Variants in ACVR1 observed in about 807,000 individuals in gnomAD.
ACVR1 encodes the protein activin receptor type-1.
A neutral mutation model predicts 57.1 loss-of-function variants in ACVR1; 38 were observed. That is an observed-to-expected ratio of 0.67 (90% CI 0.51 to 0.87). The LOEUF (loss-of-function observed/expected upper bound fraction) is 0.87. ACVR1 is among the 40% of genes least tolerant of loss of function. ACVR1 has a pLI of 0.00. For missense variants in ACVR1, 463 were observed against 638.2 expected (o/e 0.73, Z 2.96); for synonymous variants, 212 against 228.1 (o/e 0.93, Z 0.63).
At chr2:157,739,470 TC>T (rs1684666468) in intron 9 of ACVR1, among the ~76,000 whole-genome samples, 1 of 152,202 alleles carries the variant, frequency 6.6e-6, no homozygotes. Flanking sequence ...AATGGATTCT[TC>T]CCCTTCATAG....
At chr2:157,753,900 A>C (rs1194974762) in intron 9 of ACVR1, among the ~76,000 whole-genome samples, 1 of 152,238 alleles carries the variant, frequency 6.6e-6, no homozygotes, top group Non-Finnish European at 1.5e-5. Context: ...CTGAAATTAC[A>C]TCAAGTATTC....
At chr2:157,825,266 C>T (rs1193098094) in intron 1 of ACVR1, among the ~76,000 whole-genome samples, 2 of 152,290 alleles carry the variant, frequency 1.3e-5, no homozygotes, top group Admixed American at 6.5e-5. Flanking sequence ...GGATCCATCA[C>T]ACTTTCCCCC....
chr2:157,746,085 G>A (rs1366853212), intron 9 of ACVR1, among the ~76,000 whole-genome samples: 2 of 152,120 alleles, frequency 1.3e-5, no homozygotes, highest in Non-Finnish European at 2.9e-5. Flanking sequence ...TGAAACAAGA[G>A]TATGTCCACA....
intron 1 of ACVR1, among the ~76,000 whole-genome samples, chr2:157,846,759 G>C (rs1175605198): frequency 2.0e-5 from 3 of 152,114 alleles, no homozygotes; most frequent in African/African-American, 7.2e-5. Context: ...GTATACTTTA[G>C]ATTTGTACAC....
intron 2 of ACVR1, among the ~76,000 whole-genome samples, chr2:157,809,965 G>T (rs1249943496): frequency 3.3e-5 from 5 of 151,982 alleles, no homozygotes; most frequent in Admixed American, 3.3e-4. Context: ...AGTCCCAGCT[G>T]CTCTGGAGGC....
chr2:157,788,024 A>G (rs893802886), intron 3 of ACVR1, among the ~76,000 whole-genome samples: 2 of 152,072 alleles, frequency 1.3e-5, no homozygotes, highest in African/African-American at 4.8e-5. Context: ...ACAGAGACAA[A>G]CCCTTCAAAA....
At chr2:157,740,320 T>A (rs2105219578) in intron 9 of ACVR1, among the ~76,000 whole-genome samples, 1 of 152,292 alleles carries the variant, frequency 6.6e-6, no homozygotes, top group Non-Finnish European at 1.5e-5. Context: ...ACTGCTACTC[T>A]CAGAAATCTT....
At chr2:157,737,716 C>A (rs1254270111) in intron 10 of ACVR1, 51 bp from the exon 11 acceptor site, 5 of 1,612,194 alleles carry the variant, frequency 3.1e-6, no homozygotes, top group East Asian at 2.2e-5. Context: ...TTTTTAATGG[C>A]CCTGGAAGCT....
At chr2:157,823,112 A>C (rs1251544567) in intron 1 of ACVR1, among the ~76,000 whole-genome samples, 1 of 152,188 alleles carries the variant, frequency 6.6e-6, no homozygotes, top group East Asian at 1.9e-4. Flanking sequence ...AGAAGAAATC[A>C]TGACCCATTC....
At chr2:157,765,845 GGGGAGAGA>G (rs1310890463) in intron 8 of ACVR1, 68 bp downstream of exon 8, 29 of 1,470,584 alleles carry the variant, frequency 2.0e-5, no homozygotes, top group Non-Finnish European at 2.5e-5. Flanking sequence ...ACATGTTGTG[GGGGAGAGA>G]TGCAACTCAC....
chr2:157,848,599 G>A (rs932485720), intron 1 of ACVR1, among the ~76,000 whole-genome samples: 1 of 152,174 alleles, frequency 6.6e-6, no homozygotes, highest in African/African-American at 2.4e-5. Flanking sequence ...CAATAAAATG[G>A]TTGTCGTTTT....
chr2:157,855,269 AGTGTGTGTGTGTGT>A lies in ACVR1; in HGVS notation c.-183+20513_-183+20526del, dbSNP rs532193935. Among the ~76,000 whole-genome samples, 287 of 85,166 alleles carry A rather than the reference AGTGTGTGTGTGTGT, an allele frequency of 3.4e-3. 5 individuals carry two copies. Among genetic ancestry groups the A allele is most frequent in the Middle Eastern group, 0.011 (1 of 94 alleles). The allele number at this position is 85,166 out of a possible 152,430, so 55.9% of individuals were successfully genotyped here. ...TCGTCTCTTAAAAAAAAAAAAAAAA[AGTGTGTGTGTGTGT>A]GTGTGTGTGTGTGTGTGTGTGTGTG... On this transcript the variant is annotated intron_variant, in intron 1 of 10. Transcript: ENST00000434821.
At chr2:157,836,025 T>A (rs1688771771) in intron 1 of ACVR1, among the ~76,000 whole-genome samples, 1 of 152,226 alleles carries the variant, frequency 6.6e-6, no homozygotes, top group Non-Finnish European at 1.5e-5. Flanking sequence ...ATACCTGGAA[T>A]TCACCCAAAT....
chr2:157,831,482 G>A (rs971567602), intron 1 of ACVR1, among the ~76,000 whole-genome samples: 1 of 151,764 alleles, frequency 6.6e-6, no homozygotes, highest in Non-Finnish European at 1.5e-5. Context: ...AATAATGAGG[G>A]TGGCAGATCT....
At chr2:157,763,106 T>C (rs1247181315) in intron 8 of ACVR1, among the ~76,000 whole-genome samples, 2 of 152,228 alleles carry the variant, frequency 1.3e-5, no homozygotes, top group African/African-American at 4.8e-5. Flanking sequence ...TTTGTAAACT[T>C]TGGCTGAGTT....
intron 1 of ACVR1, among the ~76,000 whole-genome samples, chr2:157,829,761 T>C (rs1688516404): frequency 1.3e-5 from 2 of 152,188 alleles, no homozygotes; most frequent in African/African-American, 4.8e-5. Context: ...CTGTCTGAAA[T>C]ATTAACACAT....
intron 3 of ACVR1, among the ~76,000 whole-genome samples, chr2:157,788,518 T>C (rs1686794933): frequency 6.6e-6 from 1 of 152,174 alleles, no homozygotes; most frequent in Admixed American, 6.5e-5. Flanking sequence ...CAAGGAACCC[T>C]TCCTTTACTT....
rs1475630531 is a variant in ACVR1, at chr2:157,738,578, C to A, written c.1265-8G>T. 1 of 1,613,992 alleles carries A rather than the reference C, an allele frequency of 6.2e-7. No homozygotes were observed. Among genetic ancestry groups the A allele is most frequent in the South Asian group, 1.1e-5 (1 of 91,074 alleles). The stretch of plus-strand genomic sequence containing the variant: ...TGTAATCCTCCACTATACCTGCACA[C>A]AAGGACAAGAATTGTGTTCGGTTAG... On this transcript the variant is annotated splice_polypyrimidine_tract_variant and splice_region_variant and intron_variant, in intron 9 of 10. Coordinates refer to ENST00000434821, the MANE Select transcript of ACVR1 (RefSeq NM_001111067.4).
At position 157,876,220 on chromosome 2, in the gene ACVR1, G is replaced by A. The variant is rs1000895004; in HGVS notation, c.-607C>T. 6.8e-6 allele frequency among the ~76,000 whole-genome samples: 1 copy of A among 147,878 alleles called. No homozygotes were observed. The highest frequency in any genetic ancestry group is 1.5e-5 in the Non-Finnish European group (1 of 66,376). On this transcript the variant is annotated 5_prime_UTR_variant, in exon 1 of 11. Transcript: ENST00000434821. ...GAGCACGACCGCGGGCGGGGCGGGC[G>A]GACCAGCTGGGCTTGCCCCCGGGGG...
Sources: gnomAD v4.1 joint callset for allele counts (sites outside exome capture counted in the v4.1 genomes callset) on GRCh38, gnomAD v4.1.1 for gene constraint, MANE v1.5 for transcripts, NCBI Gene and HGNC (gene_info 2026-07-23, HGNC 2026-07-21) for gene names.